Variants in HDAC4 observed in about 807,000 individuals in gnomAD.
HDAC4 encodes the protein histone deacetylase A.
HDAC4 carries 16 observed loss-of-function variants against 135.1 expected under a neutral mutation model. The observed-to-expected ratio is 0.12, with a 90% CI of 0.08 to 0.18. The LOEUF is 0.18. Ranked by LOEUF, HDAC4 falls within the 10% of genes least tolerant of loss-of-function variation. The probability of loss-of-function intolerance (pLI) is 1.00; values close to 1 mark genes in which losing one functional copy is unlikely to be tolerated. For missense variants in HDAC4, 1,143 were observed against 1,511.8 expected, an observed-to-expected ratio of 0.76 and a Z score of 4.05; for synonymous variants, 685 against 653.4, an observed-to-expected ratio of 1.05 and a Z score of -0.74.
chr2:239,192,520 G>A (rs185393602), intron 3 of HDAC4, among the ~76,000 whole-genome samples: 16 of 152,284 alleles, frequency 1.1e-4, no homozygotes, highest in African/African-American at 3.9e-4. Flanking sequence ...TCGCAAACTC[G>A]GAGAAAAGAG....
At chr2:239,348,237 CTGCTTCCT>C (rs1480082406) in intron 2 of HDAC4, among the ~76,000 whole-genome samples, 2 of 151,256 alleles carry the variant, frequency 1.3e-5, no homozygotes, top group African/African-American at 4.9e-5. Context: ...AGCAAATGCA[CTGCTTCCT>C]ATCGAGAGCA....
chr2:239,057,718 C>G (rs917776781), intron 24 of HDAC4, among the ~76,000 whole-genome samples: 1 of 152,172 alleles, frequency 6.6e-6, no homozygotes, highest in Non-Finnish European at 1.5e-5. Context: ...CAAACGCGAG[C>G]TGGGGAAGTT....
At chr2:239,166,495 G>T (rs1157306670) in intron 5 of HDAC4, among the ~76,000 whole-genome samples, 1 of 152,184 alleles carries the variant, frequency 6.6e-6, no homozygotes, top group Admixed American at 6.5e-5. Context: ...GGTGGCGGTG[G>T]GGGGACAGGA....
Position 239,228,999 on chromosome 2 carries a change from G to A in HDAC4, c.94+7594C>T, listed in dbSNP as rs374985355. Among the ~76,000 whole-genome samples, 14 of 151,986 alleles carry A rather than the reference G, an allele frequency of 9.2e-5. No homozygotes were observed. In the East Asian group the frequency reaches 2.5e-3, roughly 27 times the overall value. ...TCTACTAAAAATACAAAAACTAGCCGGGCGTGGTGGCGGGCGCCTGTAATC... is the reference window on the plus strand; with the variant it reads ...TCTACTAAAAATACAAAAACTAGCCAGGCGTGGTGGCGGGCGCCTGTAATC... On this transcript the variant is annotated intron_variant, in intron 3 of 26. Coordinates refer to ENST00000543185, the MANE Select transcript of HDAC4 (RefSeq NM_001378414.1).
At chr2:239,397,404 T>C (rs1457273329) in intron 1 of HDAC4, among the ~76,000 whole-genome samples, 2 of 152,190 alleles carry the variant, frequency 1.3e-5, no homozygotes, top group Non-Finnish European at 2.9e-5. Flanking sequence ...ACGTGACAGC[T>C]GCTCGTGGCA....
intron 12 of HDAC4, among the ~76,000 whole-genome samples, chr2:239,118,171 G>A (rs527459870): frequency 9.9e-5 from 15 of 152,166 alleles, no homozygotes; most frequent in African/African-American, 3.4e-4. Context: ...GAACATCAGA[G>A]ACTTCAGATT....
At chr2:239,255,552 A>C (rs1456900138) in intron 2 of HDAC4, among the ~76,000 whole-genome samples, 1 of 152,194 alleles carries the variant, frequency 6.6e-6, no homozygotes, top group African/African-American at 2.4e-5. Context: ...CTAATGAAAT[A>C]AGAATTAAGT....
intron 6 of HDAC4, among the ~76,000 whole-genome samples, chr2:239,157,040 G>T (rs996650839): frequency 5.9e-5 from 9 of 152,214 alleles, no homozygotes; most frequent in Non-Finnish European, 8.8e-5. Flanking sequence ...CGTTTTCCTG[G>T]TGGCTGTTCT....
At chr2:239,078,040 C>T (rs1315405276) in intron 22 of HDAC4, among the ~76,000 whole-genome samples, 2 of 152,178 alleles carry the variant, frequency 1.3e-5, no homozygotes, top group African/African-American at 4.8e-5. Context: ...GAACCACGGG[C>T]ATCTGGATGT....
chr2:239,127,785 T>C (rs1251593615), intron 11 of HDAC4, among the ~76,000 whole-genome samples: 1 of 152,194 alleles, frequency 6.6e-6, no homozygotes, highest in Non-Finnish European at 1.5e-5. Flanking sequence ...CTACGGGACC[T>C]CCAGGGATAC....
intron 12 of HDAC4, among the ~76,000 whole-genome samples, chr2:239,123,074 A>T (rs2039832324): frequency 6.6e-6 from 1 of 152,244 alleles, no homozygotes; most frequent in African/African-American, 2.4e-5. Flanking sequence ...TAAATCAATC[A>T]GAGAACAAAC....
intron 5 of HDAC4, among the ~76,000 whole-genome samples, chr2:239,168,773 G>A (rs571289393): frequency 3.5e-4 from 53 of 152,202 alleles, no homozygotes; most frequent in Non-Finnish European, 6.5e-4. Flanking sequence ...GCGGCCCTGC[G>A]TCCTCACCAC....
chr2:239,277,465 G>A (rs1186879886), intron 2 of HDAC4, among the ~76,000 whole-genome samples: 1 of 152,214 alleles, frequency 6.6e-6, no homozygotes, highest in Admixed American at 6.5e-5. Flanking sequence ...CAGCAGGAAG[G>A]AACATGTTTA....
At chr2:239,385,505 G>A (rs1231325728) in intron 1 of HDAC4, among the ~76,000 whole-genome samples, 1 of 152,238 alleles carries the variant, frequency 6.6e-6, no homozygotes, top group African/African-American at 2.4e-5. Context: ...ATGGAAATGA[G>A]TGGCCACAGG....
rs181966005 is a variant in HDAC4 at position 239,191,640 on chromosome 2, G to A, written c.95-1563C>T. Among the ~76,000 whole-genome samples, 484 of 152,362 alleles carry A rather than the reference G, an allele frequency of 3.2e-3. 1 individual carries two copies. The highest frequency in any genetic ancestry group is 0.01 in the African/African-American group (433 of 41,592). On this transcript the variant is annotated intron_variant, in intron 3 of 26. Transcript: ENST00000543185. ...CTGATCCCTGGGTTGCCGCTTAGCC[G>A]TGGGAGCTGCAGTCACCTGAGCTCC... is the stretch of plus-strand genomic sequence containing the variant.
chr2:239,109,791 C>G (rs2038503604), intron 14 of HDAC4, among the ~76,000 whole-genome samples: 1 of 152,206 alleles, frequency 6.6e-6, no homozygotes, highest in African/African-American at 2.4e-5. Context: ...CAGAAACAAC[C>G]AGTTGCTCAC....
Position 239,134,718 on chromosome 2 carries a change from C to T in HDAC4, c.979-75G>A, listed in dbSNP as rs1004913391. The stretch of plus-strand genomic sequence containing the variant: ...CAGCAATATACACCAAGAAAAACAA[C>T]GATGAAAACACCTGCACTGAATTCT... On this transcript the variant is annotated intron_variant, in intron 9 of 26. Coordinates refer to ENST00000543185, the MANE Select transcript of HDAC4 (RefSeq NM_001378414.1). 24 of 1,047,652 alleles carry T rather than the reference C, an allele frequency of 2.3e-5. No homozygotes were observed. In the Middle Eastern group the frequency reaches 6.0e-4, roughly 26 times the overall value. 64.9% of individuals were successfully genotyped at this position (1,047,652 alleles called of 1,614,324 possible).
At chr2:239,230,259 G>C (rs915797275) in intron 3 of HDAC4, among the ~76,000 whole-genome samples, 4 of 151,206 alleles carry the variant, frequency 2.6e-5, no homozygotes, top group African/African-American at 9.8e-5. Flanking sequence ...CCATTCATTG[G>C]GTTGGGGGAC....
chr2:239,336,726 C>T (rs1403634142), intron 2 of HDAC4, among the ~76,000 whole-genome samples: 1 of 152,208 alleles, frequency 6.6e-6, no homozygotes, highest in Admixed American at 6.5e-5. Flanking sequence ...GCACATTCCC[C>T]GCGATTATTA....
Sources: gnomAD v4.1 joint callset for allele counts (sites outside exome capture counted in the v4.1 genomes callset) on GRCh38, gnomAD v4.1.1 for gene constraint, MANE v1.5 for transcripts, NCBI Gene and HGNC (gene_info 2026-07-23, HGNC 2026-07-21) for gene names.